Variants in ASXL1 observed in about 807,000 individuals in gnomAD.
ASXL1 encodes polycomb group protein ASXL1.
A neutral mutation model predicts 89.1 loss-of-function variants in ASXL1; 65 were observed. The ratio of observed to expected loss-of-function variants is 0.73; its 90% CI spans 0.60 to 0.90. The LOEUF (loss-of-function observed/expected upper bound fraction) is 0.90. ASXL1 is among the 40% of genes least tolerant of loss of function. The pLI is 0.00. For synonymous variants in ASXL1, 739 were observed against 746.9 expected, an observed-to-expected ratio of 0.99 and a Z score of 0.17; for missense variants, 1,786 against 1,942.9, an observed-to-expected ratio of 0.92 and a Z score of 1.52.
chr20:32,401,542 G>GTT (rs778883057), intron 4 of ASXL1, among the ~76,000 whole-genome samples: 693 of 40,080 alleles, frequency 0.017, 9 homozygotes, highest in African/African-American at 0.053. Flanking sequence ...GTGTGTGTGT[G>GTT]TGTTTTTTCC....
At position 32,437,692 on chromosome 20, in the gene ASXL1, T is replaced by G; in HGVS notation, c.*354T>G. ...AAGGTTGCATTCTCCACCAAGGGAG[T>G]TAACCTACCTGAACTAAGTAGAAAT... is the stretch of plus-strand genomic sequence containing the variant. On this transcript the variant is annotated 3_prime_UTR_variant, in exon 13 of 13. Coordinates refer to ENST00000375687, the MANE Select transcript of ASXL1 (RefSeq NM_015338.6). The G allele has an allele frequency of 2.6e-6, 1 of 386,214 alleles. No homozygotes were observed. Among genetic ancestry groups the G allele is most frequent in the Non-Finnish European group, 4.8e-6 (1 of 209,894 alleles). The allele number at this position is 386,214 out of a possible 1,614,324, so 23.9% of individuals were successfully genotyped here. A position where few individuals can be genotyped will look rare whatever the true frequency, so the allele number is the denominator to read the frequency against.
intron 8 of ASXL1, chr20:32,431,058 G>T: frequency 1.6e-6 from 1 of 640,996 alleles, no homozygotes; most frequent in Non-Finnish European, 2.9e-6. Flanking sequence ...GATTTTCTGT[G>T]GGAAGTGTCC....
Position 32,433,484 on chromosome 20 carries a change from A to G in ASXL1, c.1286A>G (p.Glu429Gly), listed in dbSNP as rs2011597271. 1.2e-6 allele frequency: 2 copies of G among 1,614,068 alleles called. No individual in the cohort carries two copies. Among genetic ancestry groups the G allele is most frequent in the Non-Finnish European group, 1.7e-6 (2 of 1,180,040 alleles). The change falls in exon 12 of 13, where the codon GAG becomes GGG. Residue 429 changes from glutamate (E) to glycine (G), a missense_variant. By Grantham distance (98) the Glu-to-Gly change is moderately conservative. Coordinates refer to ENST00000375687, the MANE Select transcript of ASXL1 (RefSeq NM_015338.6). ...RARRNLYKKQESEQAGVAKDA... is the reference protein window; with the variant it reads ...RARRNLYKKQGSEQAGVAKDA... ...AGAAGGAATCTGTACAAAAAACAGGAGTCAGAACAAGCAGGGGTTGCTAAG... is the reference window on the plus strand; with the variant it reads ...AGAAGGAATCTGTACAAAAAACAGGGGTCAGAACAAGCAGGGGTTGCTAAG...
intron 1 of ASXL1, among the ~76,000 whole-genome samples, chr20:32,363,475 G>C (rs368254107): frequency 6.6e-6 from 1 of 152,148 alleles, no homozygotes; most frequent in Non-Finnish European, 1.5e-5. Flanking sequence ...GGATGAAGAA[G>C]GTCCAGACGC....
intron 4 of ASXL1, among the ~76,000 whole-genome samples, chr20:32,425,336 G>C (rs1286366404): frequency 6.6e-6 from 1 of 151,548 alleles, no homozygotes; most frequent in Non-Finnish European, 1.5e-5. Context: ...TTGTGTAGAT[G>C]TGCATGTACT....
intron 4 of ASXL1, among the ~76,000 whole-genome samples, chr20:32,385,482 G>T (rs548959470): frequency 5.9e-5 from 9 of 152,156 alleles, no homozygotes; most frequent in Admixed American, 5.9e-4. Context: ...GTGCTAAATG[G>T]GCTTTGCTTG....
intron 4 of ASXL1, among the ~76,000 whole-genome samples, chr20:32,422,343 AAAT>A (rs1243617704): frequency 6.6e-6 from 1 of 150,590 alleles, no homozygotes; most frequent in Non-Finnish European, 1.5e-5. Context: ...TAATTTAAAA[AAAT>A]AGGGGAAGGA....
intron 4 of ASXL1, among the ~76,000 whole-genome samples, chr20:32,410,257 G>GT (rs1298736145): frequency 6.6e-6 from 1 of 152,038 alleles, no homozygotes; most frequent in African/African-American, 2.4e-5. Context: ...TATATACTGT[G>GT]TTTTTTCCTA....
chr20:32,433,894 G>A lies in ASXL1; in HGVS notation c.1696G>A (p.Glu566Lys), dbSNP rs780823171. 1.9e-6 allele frequency: 3 copies of A among 1,613,400 alleles called. No individual in the cohort carries two copies. Among genetic ancestry groups the A allele is most frequent in the Non-Finnish European group, 2.5e-6 (3 of 1,180,028 alleles). Residue 566 changes from glutamate to lysine, a missense_variant, in exon 12 of 13, where the codon GAG (glutamate) becomes AAG (lysine). Around this residue, in one of 3 missense-constraint regions of ASXL1, gnomAD observed 1,418 missense variants for 1,427.8 expected, o/e 0.99. Coordinates refer to ENST00000375687, the MANE Select transcript of ASXL1 (RefSeq NM_015338.6). ...HTEKPQPTKE[E>K]PKVPPIRIQL... Reference sequence around the variant, plus strand: ...CGAAAAGCCACAGCCCACTAAAGAGGAGCCCAAAGTCCCGCCCATCCGGGT... The same window carrying A: ...CGAAAAGCCACAGCCCACTAAAGAGAAGCCCAAAGTCCCGCCCATCCGGGT...
At chr20:32,359,320 C>G (rs1273502438) in intron 1 of ASXL1, 1 of 702,446 alleles carries the variant, frequency 1.4e-6, no homozygotes, top group East Asian at 2.7e-5. Context: ...GTTGAGCTTT[C>G]CCAATCTAAA....
At position 32,372,600 on chromosome 20, in the gene ASXL1, A is replaced by T. The variant is rs532374142; in HGVS notation, c.252+3477A>T. The T allele has an allele frequency of 6.6e-3, 1,369 of 208,510 alleles. 20 individuals are homozygous for T. The highest frequency in any genetic ancestry group is 0.031 in the African/African-American group (1,261 of 41,194). The allele number at this position is 208,510 out of a possible 1,614,324, so 12.9% of individuals were successfully genotyped here. A position where few individuals can be genotyped will look rare whatever the true frequency, so the allele number is the denominator to read the frequency against. Reference sequence around the variant, plus strand: ...TTTTGTACTTCGTTATTATTTATTTATTTTTTTTTTCTGAGACAGAGTCTT... The same window carrying T: ...TTTTGTACTTCGTTATTATTTATTTTTTTTTTTTTTCTGAGACAGAGTCTT... On this transcript the variant is annotated intron_variant, in intron 4 of 12. Coordinates refer to ENST00000375687, the MANE Select transcript of ASXL1 (RefSeq NM_015338.6).
intron 10 of ASXL1, chr20:32,432,654 C>A (rs562043748): frequency 2.0e-6 from 1 of 503,812 alleles, no homozygotes; most frequent in South Asian, 2.1e-5. Flanking sequence ...ATGAATGGTT[C>A]TTTTGTTTGT....
rs1209393404 is a variant in ASXL1, at chr20:32,428,204, G to A, written c.329G>A (p.Ser110Asn). The A allele has an allele frequency of 6.2e-7, 1 of 1,614,202 alleles. No homozygotes were observed. Among genetic ancestry groups the A allele is most frequent in the Non-Finnish European group, 8.5e-7 (1 of 1,180,038 alleles). ...CCAGAGGACACGGCTGATGTGGAGA[G>A]CTGTGGGTCTAATGAAGCCAGCACT... The part of the protein sequence containing the change: ...EEPEDTADVE[S>N]CGSNEASTVS... The change falls in exon 5 of 13, where the codon AGC becomes AAC. Residue 110 changes from serine to asparagine, a missense_variant. Coordinates refer to ENST00000375687, the MANE Select transcript of ASXL1 (RefSeq NM_015338.6).
Position 32,434,458 on chromosome 20 carries a change from C to T in ASXL1, c.1746C>T (p.Pro582=). 4.3e-6 allele frequency: 7 copies of T among 1,614,092 alleles called. No homozygotes were observed. The highest frequency in any genetic ancestry group is 5.9e-6 in the Non-Finnish European group (7 of 1,180,020). ...IRIQLSRIKP[P]WVVKGQPTYQ... ...TTCAACTTTCACGTATCAAACCACC[C>T]TGGGTGGTTAAAGGTCAGCCCACTT... is the stretch of plus-strand genomic sequence containing the variant. Residue 582 remains proline, a synonymous_variant, in exon 13 of 13, where the codon CCC becomes CCT. Transcript: ENST00000375687.
intron 4 of ASXL1, among the ~76,000 whole-genome samples, chr20:32,402,017 G>A (rs886629028): frequency 1.3e-5 from 2 of 152,198 alleles, no homozygotes; most frequent in African/African-American, 2.4e-5. Flanking sequence ...TTGACCATGC[G>A]TAGCTGAAAG....
At chr20:32,394,196 G>T (rs978439599) in intron 4 of ASXL1, among the ~76,000 whole-genome samples, 2 of 152,056 alleles carry the variant, frequency 1.3e-5, no homozygotes, top group African/African-American at 4.8e-5. Context: ...TAGAGACAGG[G>T]TTTCACTATA....
intron 4 of ASXL1, among the ~76,000 whole-genome samples, chr20:32,421,914 G>A: frequency 6.9e-6 from 1 of 145,724 alleles, no homozygotes; most frequent in Non-Finnish European, 1.5e-5. Flanking sequence ...TGTCACCCAG[G>A]CTGGAGTGCA....
At chr20:32,417,383 C>CA (rs1171291607) in intron 4 of ASXL1, among the ~76,000 whole-genome samples, 1 of 152,142 alleles carries the variant, frequency 6.6e-6, no homozygotes, top group Admixed American at 6.5e-5. Context: ...AGTAAGAACT[C>CA]AGACAATTTC....
intron 4 of ASXL1, among the ~76,000 whole-genome samples, chr20:32,387,827 A>G (rs1232776575): frequency 6.6e-6 from 1 of 152,206 alleles, no homozygotes; most frequent in Non-Finnish European, 1.5e-5. Context: ...CCTCCTCAGT[A>G]TCTCTATTCG....
Sources: allele counts gnomAD v4.1 joint callset (sites outside exome capture counted in the v4.1 genomes callset), GRCh38; gene constraint gnomAD v4.1.1; regional missense constraint gnomAD v4.1.1; transcripts MANE v1.5; gene names NCBI Gene and HGNC (gene_info 2026-07-23, HGNC 2026-07-21).